Variants in PAWR observed in about 807,000 individuals in gnomAD.
The protein encoded by PAWR is PRKC apoptosis WT1 regulator protein.
In PAWR, 23 loss-of-function variants were observed where a neutral mutation model predicts 32.0. That is an observed-to-expected ratio of 0.72 (90% CI 0.52 to 1.02). The LOEUF (loss-of-function observed/expected upper bound fraction) is 1.02, where lower values mean the gene tolerates loss of function less well. PAWR is among the 50% of genes least tolerant of loss of function. The probability of loss-of-function intolerance (pLI) is 0.00; values close to 1 mark genes in which losing one functional copy is unlikely to be tolerated. For missense variants in PAWR, 457 were observed against 437.7 expected, an observed-to-expected ratio of 1.04 and a Z score of -0.39; for synonymous variants, 226 against 187.1, an observed-to-expected ratio of 1.21 and a Z score of -1.70.
intron 2 of PAWR, among the ~76,000 whole-genome samples, chr12:79,673,983 G>A (rs890239744): frequency 6.6e-6 from 1 of 151,780 alleles, no homozygotes; most frequent in Admixed American, 6.6e-5. Flanking sequence ...CCTACCCAAA[G>A]CAATTTACAG....
intron 2 of PAWR, among the ~76,000 whole-genome samples, chr12:79,628,911 C>T (rs1875474003): frequency 6.6e-6 from 1 of 151,982 alleles, no homozygotes; most frequent in Admixed American, 6.5e-5. Context: ...TTACACTATA[C>T]ATGGCATGGT....
intron 2 of PAWR, among the ~76,000 whole-genome samples, chr12:79,638,894 A>T (rs1218664319): frequency 3.2e-3 from 41 of 12,972 alleles, no homozygotes; most frequent in East Asian, 7.8e-3. Context: ...ATATATATAT[A>T]TATTTTTTTT....
chr12:79,661,895 GA>G (rs1305276971), intron 2 of PAWR, among the ~76,000 whole-genome samples: 1 of 151,844 alleles, frequency 6.6e-6, no homozygotes, highest in East Asian at 1.9e-4. Flanking sequence ...AGGTAAAATG[GA>G]AAAGTAACAA....
At chr12:79,690,702 C>G (rs1467743331) in intron 1 of PAWR, 170 bp downstream of exon 1, 1 of 152,924 alleles carries the variant, frequency 6.5e-6, no homozygotes. Flanking sequence ...CACCTGTCGG[C>G]TCGTCGTATC....
At chr12:79,602,322 C>T (rs1276624066) in intron 4 of PAWR, among the ~76,000 whole-genome samples, 2 of 152,096 alleles carry the variant, frequency 1.3e-5, no homozygotes, top group African/African-American at 4.8e-5. Context: ...ATATATCACC[C>T]CCCTTTGGAG....
intron 2 of PAWR, among the ~76,000 whole-genome samples, chr12:79,689,290 T>C (rs1249867259): frequency 1.3e-5 from 2 of 152,206 alleles, no homozygotes; most frequent in Non-Finnish European, 2.9e-5. Flanking sequence ...CAGATGTTAT[T>C]AAACATTGGT....
intron 2 of PAWR, among the ~76,000 whole-genome samples, chr12:79,637,079 T>C (rs1875996489): frequency 6.6e-6 from 1 of 152,196 alleles, no homozygotes; most frequent in Non-Finnish European, 1.5e-5. Context: ...CAATAAATTA[T>C]ATAAATGTAG....
intron 2 of PAWR, among the ~76,000 whole-genome samples, chr12:79,631,022 C>T (rs1473981533): frequency 6.6e-6 from 1 of 152,068 alleles, no homozygotes; most frequent in Non-Finnish European, 1.5e-5. Context: ...CTTTGTTTAA[C>T]CTTCAAATCA....
intron 2 of PAWR, among the ~76,000 whole-genome samples, chr12:79,681,061 G>A (rs1296043025): frequency 6.9e-6 from 1 of 144,472 alleles, no homozygotes; most frequent in Non-Finnish European, 1.5e-5. Flanking sequence ...TCTGCAGTGA[G>A]CCATGATCGT....
chr12:79,602,611 T>A (rs1874006980), intron 4 of PAWR, among the ~76,000 whole-genome samples: 1 of 152,232 alleles, frequency 6.6e-6, no homozygotes, highest in Non-Finnish European at 1.5e-5. Flanking sequence ...TCCAGGCTAC[T>A]GACTTCAGCA....
At chr12:79,660,237 G>GT (rs1220124159) in intron 2 of PAWR, among the ~76,000 whole-genome samples, 1 of 152,112 alleles carries the variant, frequency 6.6e-6, no homozygotes, top group Non-Finnish European at 1.5e-5. Flanking sequence ...AGGGAAACAG[G>GT]TAACAGCACA....
At position 79,639,827 on chromosome 12, in the gene PAWR, CTTTTCCATTCCTATTCCTATTCCT is replaced by C. The variant is rs879574068; in HGVS notation, c.517-18644_517-18621del. Reference sequence around the variant, plus strand: ...TTCCATTCCATTCCTTTTCCTTTTCCTTTTCCATTCCTATTCCTATTCCTATTCCTATTCCTATTCCTATTCCTA... The same window carrying C: ...TTCCATTCCATTCCTTTTCCTTTTCCATTCCTATTCCTATTCCTATTCCTA... On this transcript the variant is annotated intron_variant, in intron 2 of 6. Coordinates refer to ENST00000328827, the MANE Select transcript of PAWR (RefSeq NM_002583.4). Among the ~76,000 whole-genome samples, 736 of 137,480 alleles carry C rather than the reference CTTTTCCATTCCTATTCCTATTCCT, an allele frequency of 5.4e-3. 13 individuals are homozygous for C. Among genetic ancestry groups the C allele is most frequent in the South Asian group, 0.034 (150 of 4,398 alleles). The allele number at this position is 137,480 out of a possible 152,430, so 90.2% of individuals were successfully genotyped here. A position where few individuals can be genotyped will look rare whatever the true frequency, so the allele number is the denominator to read the frequency against.
At chr12:79,652,024 T>C (rs1876874308) in intron 2 of PAWR, among the ~76,000 whole-genome samples, 1 of 152,126 alleles carries the variant, frequency 6.6e-6, no homozygotes, top group African/African-American at 2.4e-5. Flanking sequence ...TGATCTCCCT[T>C]CTACAAAGTA....
chr12:79,616,380 C>G (rs879938075), intron 3 of PAWR, among the ~76,000 whole-genome samples: 1 of 151,968 alleles, frequency 6.6e-6, no homozygotes, highest in Non-Finnish European at 1.5e-5. Flanking sequence ...TGAGAGCAAC[C>G]CTTACTAGAT....
intron 4 of PAWR, chr12:79,597,218 C>T (rs1873796429): frequency 6.6e-6 from 1 of 152,232 alleles, no homozygotes; most frequent in Admixed American, 6.5e-5. Context: ...GGCCACCACA[C>T]CGGGCAAATT....
rs189585102 is a variant in PAWR at position 79,620,344 on chromosome 12, A to C, written c.648+732T>G. On this transcript the variant is annotated intron_variant, in intron 3 of 6. Coordinates refer to ENST00000328827, the MANE Select transcript of PAWR (RefSeq NM_002583.4). ...CCATTAGGCAGGGCAGAGCAACGTG[A>C]GAAAACACAGTGGCTCAGATCAGGG... Among the ~76,000 whole-genome samples, 15 of 152,350 alleles carry C rather than the reference A, an allele frequency of 9.8e-5. No individual in the cohort carries two copies. In the East Asian group the frequency reaches 2.9e-3, roughly 29 times the overall value.
chr12:79,639,916 T>TTCCATTCCATTCCATTCC (rs1566014467), intron 2 of PAWR, among the ~76,000 whole-genome samples: 12 of 122,238 alleles, frequency 9.8e-5, no homozygotes, highest in African/African-American at 7.0e-4. Flanking sequence ...CATTCCATTC[T>TTCCATTCCATTCCATTCC]ATTCTAGAGA....
In PAWR at chr12:79,596,786, G is replaced by A. The variant is rs558979914; in HGVS notation, c.684-128C>T. On this transcript the variant is annotated intron_variant, in intron 4 of 6. Coordinates refer to ENST00000328827, the MANE Select transcript of PAWR (RefSeq NM_002583.4). ...ATATGGTTATAGTAGCAACTTATTTGTAACTGTAGAAGTTAATCATTATTC... is the reference window on the plus strand; with the variant it reads ...ATATGGTTATAGTAGCAACTTATTTATAACTGTAGAAGTTAATCATTATTC... The A allele has an allele frequency of 2.2e-5, 12 of 554,268 alleles. No individual in the cohort carries two copies. In the South Asian group the frequency reaches 3.5e-4, roughly 16 times the overall value. 34.3% of individuals were successfully genotyped at this position (554,268 alleles called of 1,614,324 possible).
intron 4 of PAWR, among the ~76,000 whole-genome samples, chr12:79,608,556 A>C (rs1279354009): frequency 6.6e-6 from 1 of 152,146 alleles, no homozygotes; most frequent in African/African-American, 2.4e-5. Flanking sequence ...AGCAGTCCAC[A>C]CCCTGAGGGG....
Sources: allele counts gnomAD v4.1 joint callset (sites outside exome capture counted in the v4.1 genomes callset), GRCh38; gene constraint gnomAD v4.1.1; transcripts MANE v1.5; gene names NCBI Gene and HGNC (gene_info 2026-07-23, HGNC 2026-07-21).